Variants in GRM7 observed in about 807,000 individuals in gnomAD.
GRM7 encodes the protein metabotropic glutamate receptor 7.
GRM7 carries 35 observed loss-of-function variants against 84.5 expected under a neutral mutation model. The ratio of observed to expected loss-of-function variants is 0.41; its 90% CI spans 0.32 to 0.55. GRM7 has a LOEUF of 0.55. Among genes scored for constraint, GRM7 ranks in the 20% least tolerant of loss-of-function variants. The pLI, the probability that GRM7 is intolerant of heterozygous loss-of-function variation, is 0.19. For missense variants in GRM7, 1,003 were observed against 1,194.6 expected (o/e 0.84, Z 2.36); for synonymous variants, 487 against 455.1 (o/e 1.07, Z -0.89).
chr3:6,889,463 G>C (rs1695843392), intron 1 of GRM7, among the ~76,000 whole-genome samples: 1 of 151,464 alleles, frequency 6.6e-6, no homozygotes, highest in Non-Finnish European at 1.5e-5. Context: ...TTTTGTCAAA[G>C]GCCTTTTCTG....
chr3:7,447,974 C>T (rs1005570235), intron 5 of GRM7, among the ~76,000 whole-genome samples: 31 of 142,976 alleles, frequency 2.2e-4, no homozygotes, highest in African/African-American at 7.8e-4. Context: ...TGTTCAGTTC[C>T]CACCTATGAG....
At chr3:7,335,865 G>C (rs1032661439) in intron 4 of GRM7, among the ~76,000 whole-genome samples, 1 of 151,836 alleles carries the variant, frequency 6.6e-6, no homozygotes, top group African/African-American at 2.4e-5. Context: ...GAAAGAAAAA[G>C]AAACTGAACA....
chr3:6,880,074 G>A (rs1462809359), intron 1 of GRM7, among the ~76,000 whole-genome samples: 3 of 152,168 alleles, frequency 2.0e-5, no homozygotes, highest in African/African-American at 2.4e-5. Context: ...TCGTTAGCTA[G>A]GGCTTTAAAC....
chr3:7,210,987 G>A (rs1055241303), intron 2 of GRM7, among the ~76,000 whole-genome samples: 3 of 152,136 alleles, frequency 2.0e-5, no homozygotes, highest in Non-Finnish European at 4.4e-5. Context: ...GTCATAGGAA[G>A]TAATATTATC....
chr3:7,462,584 A>C (rs1402401888), intron 7 of GRM7, among the ~76,000 whole-genome samples: 1 of 152,192 alleles, frequency 6.6e-6, no homozygotes, highest in African/African-American at 2.4e-5. Context: ...GCACTTTTGG[A>C]ATTATTGAGA....
chr3:7,321,405 C>G (rs1041277507), intron 4 of GRM7, among the ~76,000 whole-genome samples: 1 of 151,998 alleles, frequency 6.6e-6, no homozygotes, highest in South Asian at 2.1e-4. Flanking sequence ...AATATAGAAA[C>G]TAACCTCTGA....
chr3:7,308,149 G>A (rs1700260939), intron 4 of GRM7, among the ~76,000 whole-genome samples: 1 of 152,138 alleles, frequency 6.6e-6, no homozygotes, highest in Non-Finnish European at 1.5e-5. Context: ...AATCCTTCCA[G>A]TTCTTTAAGA....
intron 1 of GRM7, among the ~76,000 whole-genome samples, chr3:7,136,237 G>A (rs1323661436): frequency 6.6e-6 from 1 of 150,864 alleles, no homozygotes; most frequent in Non-Finnish European, 1.5e-5. Flanking sequence ...CAAGTAAAAT[G>A]AGGACCCAAG....
chr3:7,574,386 C>A (rs1313684926), intron 7 of GRM7, among the ~76,000 whole-genome samples: 3 of 152,138 alleles, frequency 2.0e-5, no homozygotes, highest in African/African-American at 7.2e-5. Flanking sequence ...TCTTGAATTC[C>A]TGACCTCGTG....
chr3:7,297,465 T>C (rs1227690575), intron 2 of GRM7, among the ~76,000 whole-genome samples: 1 of 152,186 alleles, frequency 6.6e-6, no homozygotes. Flanking sequence ...TTCTGTTGTG[T>C]GGGTTGTCAA....
At chr3:7,283,016 A>T (rs943177175) in intron 2 of GRM7, among the ~76,000 whole-genome samples, 3 of 151,952 alleles carry the variant, frequency 2.0e-5, no homozygotes, top group Admixed American at 6.6e-5. Context: ...AGATGAGATT[A>T]CTCTTCTATT....
chr3:7,569,671 T>A (rs529823841), intron 7 of GRM7, among the ~76,000 whole-genome samples: 1 of 152,006 alleles, frequency 6.6e-6, no homozygotes, highest in South Asian at 2.1e-4. Flanking sequence ...GCTGTAACAC[T>A]CACCATGAAG....
intron 2 of GRM7, among the ~76,000 whole-genome samples, chr3:7,150,287 C>G (rs1053499310): frequency 2.1e-4 from 32 of 152,040 alleles, no homozygotes; most frequent in African/African-American, 7.7e-4. Context: ...GACTTAAATC[C>G]TGAGGCAGAG....
At chr3:7,383,636 G>C (rs1197916537) in intron 4 of GRM7, among the ~76,000 whole-genome samples, 1 of 152,042 alleles carries the variant, frequency 6.6e-6, no homozygotes, top group East Asian at 1.9e-4. Flanking sequence ...GCCCTTCAAA[G>C]GAAATGTCAT....
At chr3:7,240,965 G>A (rs946353041) in intron 2 of GRM7, among the ~76,000 whole-genome samples, 4 of 152,118 alleles carry the variant, frequency 2.6e-5, no homozygotes, top group South Asian at 4.2e-4. Context: ...GGAGCAATAG[G>A]CTATACCATG....
intron 9 of GRM7, among the ~76,000 whole-genome samples, chr3:7,699,913 A>G (rs1701164692): frequency 6.6e-6 from 1 of 152,176 alleles, no homozygotes; most frequent in Non-Finnish European, 1.5e-5. Context: ...GACCTGGCAT[A>G]ACTCTGAAAC....
chr3:7,144,935 A>G (rs1694061764), intron 1 of GRM7, among the ~76,000 whole-genome samples: 2 of 152,158 alleles, frequency 1.3e-5, no homozygotes, highest in South Asian at 2.1e-4. Context: ...TGCATCGTGG[A>G]CAGGCTGCAT....
chr3:7,075,496 A>ATGTGTGTGTGTGTGTGTGTGTGTGTGTG (rs376048569), intron 1 of GRM7, among the ~76,000 whole-genome samples: 3 of 138,490 alleles, frequency 2.2e-5, no homozygotes, highest in Non-Finnish European at 4.7e-5. Flanking sequence ...TGCTTCTCAG[A>ATGTGTGTGTGTGTGTGTGTGTGTGTGTG]TGTGTGTGTG....
chr3:7,579,397 GTGTT>G, intron 8 of GRM7, 40 bp downstream of exon 8: 1 of 1,243,974 alleles, frequency 8.0e-7, no homozygotes, highest in Non-Finnish European at 1.1e-6. Context: ...TTTTAAAAAT[GTGTT>G]CATTTTTGTA....
Sources: gnomAD v4.1 joint callset for allele counts (sites outside exome capture counted in the v4.1 genomes callset) on GRCh38, gnomAD v4.1.1 for gene constraint, MANE v1.5 for transcripts, NCBI Gene and HGNC (gene_info 2026-07-23, HGNC 2026-07-21) for gene names.